Variants in RPH3A observed in about 807,000 individuals in gnomAD.
The protein encoded by RPH3A is rabphilin-3A.
In RPH3A, 48 loss-of-function variants were observed where a neutral mutation model predicts 102.2. That is an observed-to-expected ratio of 0.47 (90% confidence interval 0.37 to 0.60). The LOEUF (loss-of-function observed/expected upper bound fraction) is 0.60, where lower values mean the gene tolerates loss of function less well. RPH3A is among the 20% of genes least tolerant of loss of function. RPH3A has a pLI of 0.00. For missense variants in RPH3A, 781 were observed against 910.1 expected, an observed-to-expected ratio of 0.86 and a Z score of 1.83; for synonymous variants, 310 against 324.3, an observed-to-expected ratio of 0.96 and a Z score of 0.47.
At chr12:112,802,595 G>A (rs567846074) in intron 2 of RPH3A, among the ~76,000 whole-genome samples, 8 of 152,132 alleles carry the variant, frequency 5.3e-5, no homozygotes, top group African/African-American at 9.6e-5. Context: ...GGTATGGTGC[G>A]AGCATGTGTG....
intron 2 of RPH3A, among the ~76,000 whole-genome samples, chr12:112,795,662 G>A (rs1416723591): frequency 6.6e-6 from 1 of 152,214 alleles, no homozygotes; most frequent in East Asian, 1.9e-4. Context: ...GGTGTATTAG[G>A]GTAGCATGAT....
chr12:112,880,765 A>G (rs781148625), intron 14 of RPH3A, among the ~76,000 whole-genome samples: 10 of 152,238 alleles, frequency 6.6e-5, no homozygotes, highest in Non-Finnish European at 1.3e-4. Context: ...GACAACATAA[A>G]CAATCAATGA....
At chr12:112,618,093 C>G (rs1415607523) in intron 1 of RPH3A, among the ~76,000 whole-genome samples, 1 of 152,170 alleles carries the variant, frequency 6.6e-6, no homozygotes, top group Non-Finnish European at 1.5e-5. Flanking sequence ...ATGCCAACCC[C>G]CCATGAGAAT....
At chr12:112,668,810 A>G (rs2040105522) in intron 1 of RPH3A, among the ~76,000 whole-genome samples, 1 of 152,106 alleles carries the variant, frequency 6.6e-6, no homozygotes. Flanking sequence ...TGTATTCCAG[A>G]CTTAAAGTTA....
chr12:112,875,610 GA>G, intron 11 of RPH3A, 68 bp from the exon 12 acceptor site: 2 of 1,381,214 alleles, frequency 1.4e-6, no homozygotes, highest in Non-Finnish European at 2.1e-6. Context: ...AAATGAAAAG[GA>G]AAAGGTGAAC....
chr12:112,739,443 T>G lies in RPH3A; in HGVS notation c.-139-52700T>G, dbSNP rs570828210. ...TCACCTGAGCTGGGGTTGGAACTCG[T>G]GCCTGTGGAAACTCATGCCCTTATG... is the stretch of plus-strand genomic sequence containing the variant. On this transcript the variant is annotated intron_variant, in intron 1 of 21. Coordinates refer to the RPH3A transcript ENST00000543106. Among the ~76,000 whole-genome samples, 21 of 152,290 alleles carry G rather than the reference T, an allele frequency of 1.4e-4. No homozygotes were observed. In the East Asian group the frequency reaches 3.9e-3, roughly 28 times the overall value.
At chr12:112,805,845 C>T (rs1042993635) in intron 2 of RPH3A, among the ~76,000 whole-genome samples, 2 of 152,150 alleles carry the variant, frequency 1.3e-5, no homozygotes, top group Non-Finnish European at 1.5e-5. Context: ...ATTTATTGAC[C>T]ATCTACTAAC....
intron 1 of RPH3A, among the ~76,000 whole-genome samples, chr12:112,741,270 C>G (rs541728089): frequency 6.6e-6 from 1 of 152,154 alleles, no homozygotes; most frequent in South Asian, 2.1e-4. Context: ...TCATCAATTG[C>G]CTTTCCTGTT....
At chr12:112,704,547 C>A (rs2040415968) in intron 1 of RPH3A, among the ~76,000 whole-genome samples, 1 of 152,028 alleles carries the variant, frequency 6.6e-6, no homozygotes, top group Non-Finnish European at 1.5e-5. Context: ...GGGTGGGGTT[C>A]CACTTCTCCC....
chr12:112,651,658 A>G (rs2039975907), intron 1 of RPH3A: 1 of 152,202 alleles, frequency 6.6e-6, no homozygotes, highest in Non-Finnish European at 1.5e-5. Flanking sequence ...GACATTCACA[A>G]CATTGTTCAA....
intron 1 of RPH3A, among the ~76,000 whole-genome samples, chr12:112,678,295 A>AGAGAGAGAGAGAGAGAGAGAG (rs1566255284): frequency 5.7e-5 from 2 of 34,816 alleles, no homozygotes; most frequent in Non-Finnish European, 1.2e-4. Context: ...GAAAGAAAGA[A>AGAGAGAGAGAGAGAGAGAGAG]AGAAAGAAAG....
intron 1 of RPH3A, among the ~76,000 whole-genome samples, chr12:112,730,882 T>G (rs1039385428): frequency 6.6e-6 from 1 of 152,160 alleles, no homozygotes; most frequent in Non-Finnish European, 1.5e-5. Context: ...CCCTGGCCAT[T>G]GTTCCAGGGC....
intron 1 of RPH3A, among the ~76,000 whole-genome samples, chr12:112,683,759 C>T (rs189107827): frequency 6.6e-6 from 1 of 152,236 alleles, no homozygotes; most frequent in Non-Finnish European, 1.5e-5. Context: ...ATCTTCAACT[C>T]TTCAGGATTG....
intron 1 of RPH3A, among the ~76,000 whole-genome samples, chr12:112,653,841 T>C (rs2039993104): frequency 6.6e-6 from 1 of 152,212 alleles, no homozygotes; most frequent in Non-Finnish European, 1.5e-5. Context: ...TTTCTTTCCT[T>C]ATATCCTTAT....
At chr12:112,865,094 G>T (rs1378608749) in intron 5 of RPH3A, among the ~76,000 whole-genome samples, 1 of 152,132 alleles carries the variant, frequency 6.6e-6, no homozygotes, top group Non-Finnish European at 1.5e-5. Flanking sequence ...CAGATAAATA[G>T]ACCTAAATAA....
At position 112,678,287 on chromosome 12, in the gene RPH3A, A is replaced by AGAGAGAG. The variant is rs1566255220; in HGVS notation, c.-140+102968_-140+102969insGAGAGAG. 6.2e-4 allele frequency among the ~76,000 whole-genome samples: 22 copies of AGAGAGAG among 35,636 alleles called. 1 individual carries two copies. The highest frequency in any genetic ancestry group is 2.4e-3 in the African/African-American group (12 of 5,084). 23.4% of individuals were successfully genotyped at this position (35,636 alleles called of 152,430 possible). A position where few individuals can be genotyped will look rare whatever the true frequency, so the allele number is the denominator to read the frequency against. ...AAAGAAAGAAAGAAAGAAAGAAAGA[A>AGAGAGAG]AGAAAGAAAGAAAGAAAGAGAGAGA... On this transcript the variant is annotated intron_variant, in intron 1 of 21. Transcript: ENST00000543106.
intron 1 of RPH3A, among the ~76,000 whole-genome samples, chr12:112,622,567 C>T (rs2039739317): frequency 6.7e-6 from 1 of 148,516 alleles, no homozygotes; most frequent in Non-Finnish European, 1.5e-5. Flanking sequence ...GTGAAAAGAC[C>T]AAATGTACGT....
intron 1 of RPH3A, among the ~76,000 whole-genome samples, chr12:112,622,127 T>C (rs2039735061): frequency 7.2e-6 from 1 of 139,634 alleles, no homozygotes; most frequent in Non-Finnish European, 1.5e-5. Flanking sequence ...ACAGAAAAAC[T>C]GGAAACTCTA....
chr12:112,819,478 G>A (rs1262179114), intron 2 of RPH3A, among the ~76,000 whole-genome samples: 1 of 152,166 alleles, frequency 6.6e-6, no homozygotes, highest in African/African-American at 2.4e-5. Context: ...GACTAAAAAG[G>A]GGAGGTAGGA....
Sources: allele counts gnomAD v4.1 joint callset (sites outside exome capture counted in the v4.1 genomes callset), GRCh38; gene constraint gnomAD v4.1.1; transcripts MANE v1.5; gene names NCBI Gene and HGNC (gene_info 2026-07-23, HGNC 2026-07-21).